Variants in PRKCE observed in about 807,000 individuals in gnomAD.
PRKCE encodes the protein protein kinase C epsilon.
In PRKCE, 16 loss-of-function variants were observed where a neutral mutation model predicts 85.4. The observed-to-expected ratio is 0.19, with a 90% CI of 0.13 to 0.28. The LOEUF (loss-of-function observed/expected upper bound fraction) is 0.28, where lower values mean the gene tolerates loss of function less well. Among genes scored for constraint, PRKCE ranks in the 10% least tolerant of loss-of-function variants. PRKCE has a pLI of 1.00. For synonymous variants in PRKCE, 388 were observed against 371.5 expected, an observed-to-expected ratio of 1.04 and a Z score of -0.51; for missense variants, 573 against 975.2, an observed-to-expected ratio of 0.59 and a Z score of 5.49.
chr2:46,062,495 GAC>G (rs1390777144), intron 10 of PRKCE, among the ~76,000 whole-genome samples: 2 of 152,056 alleles, frequency 1.3e-5, no homozygotes, highest in Admixed American at 1.3e-4. Context: ...ATTAGGACTA[GAC>G]ACAAACTATG....
In PRKCE at chr2:45,843,042, C is replaced by T. The variant is rs1488520108; in HGVS notation, c.391C>T (p.Leu131Phe). 1 of 1,614,062 alleles carries T rather than the reference C, an allele frequency of 6.2e-7. No individual in the cohort carries two copies. The highest frequency in any genetic ancestry group is 1.3e-5 in the African/African-American group (1 of 74,934). The change falls in exon 2 of 15, where the codon CTC (leucine) becomes TTC (phenylalanine). Residue 131 changes from leucine (L) to phenylalanine (F), a missense_variant. Around this residue, in one of 11 missense-constraint regions of PRKCE, gnomAD observed 100 missense variants for 177.1 expected, o/e 0.56. Transcript: ENST00000306156. Reference protein sequence around the residue: ...PEGRVYVIIDLSGSSGEAPKD... With the variant: ...PEGRVYVIIDFSGSSGEAPKD... ...AGGAAGAGTGTATGTGATCATCGAT[C>T]TCTCAGGGTCGTCGGGTGAAGGTAG...
intron 10 of PRKCE, among the ~76,000 whole-genome samples, chr2:46,061,661 C>G (rs79013938): frequency 0.051 from 7,777 of 152,054 alleles, 566 homozygotes; most frequent in African/African-American, 0.16. Context: ...AACCCCCAAG[C>G]CACCTCCTTG....
At chr2:45,864,737 T>C (rs1192948025) in intron 2 of PRKCE, among the ~76,000 whole-genome samples, 1 of 152,238 alleles carries the variant, frequency 6.6e-6, no homozygotes, top group Non-Finnish European at 1.5e-5. Flanking sequence ...TATAATTGTT[T>C]GCGTGGGAGC....
At chr2:45,847,674 C>A (rs1264531755) in intron 2 of PRKCE, among the ~76,000 whole-genome samples, 1 of 152,220 alleles carries the variant, frequency 6.6e-6, no homozygotes, top group Non-Finnish European at 1.5e-5. Flanking sequence ...CAATCCAGGT[C>A]CTGCTTCCAT....
intron 1 of PRKCE, among the ~76,000 whole-genome samples, chr2:45,679,747 G>A (rs1340494302): frequency 3.3e-5 from 5 of 152,044 alleles, no homozygotes; most frequent in Non-Finnish European, 5.9e-5. Flanking sequence ...GTGTATGTGG[G>A]GCCCTGCTGT....
chr2:46,074,441 A>AG (rs1391514663), intron 10 of PRKCE, among the ~76,000 whole-genome samples: 2 of 151,456 alleles, frequency 1.3e-5, no homozygotes, highest in East Asian at 1.9e-4. Flanking sequence ...AAAAAAAAAA[A>AG]AAAAAAAGAA....
At chr2:45,956,979 T>A (rs1701017102) in intron 2 of PRKCE, among the ~76,000 whole-genome samples, 1 of 152,234 alleles carries the variant, frequency 6.6e-6, no homozygotes, top group South Asian at 2.1e-4. Flanking sequence ...GCTCATTTTT[T>A]ATTTGACTGT....
chr2:46,035,514 AG>A (rs1188294281), intron 10 of PRKCE, among the ~76,000 whole-genome samples: 1 of 152,192 alleles, frequency 6.6e-6, no homozygotes, highest in Non-Finnish European at 1.5e-5. Context: ...TCTTTAGTCC[AG>A]GGGGTGCCCT....
In PRKCE at chr2:45,969,684, A is replaced by G. The variant is rs755368415; in HGVS notation, c.413-6745A>G. 3.3e-5 allele frequency among the ~76,000 whole-genome samples: 5 copies of G among 152,282 alleles called. No homozygotes were observed. The South Asian group carries it at 8.3e-4, about 25-fold the overall frequency. ...GCATGAGGGAGCACCTCATTACCTA[A>G]TACTTTTTAGGCAAGTGAAAGCTTT... On this transcript the variant is annotated intron_variant, in intron 2 of 14. Transcript: ENST00000306156.
chr2:45,658,166 A>G (rs1192151969), intron 1 of PRKCE, among the ~76,000 whole-genome samples: 2 of 152,122 alleles, frequency 1.3e-5, no homozygotes, highest in African/African-American at 2.4e-5. Context: ...GTGTGCGCCT[A>G]TACCCTGAAT....
chr2:45,857,199 C>A (rs1013026992), intron 2 of PRKCE, among the ~76,000 whole-genome samples: 1 of 152,190 alleles, frequency 6.6e-6, no homozygotes, highest in Non-Finnish European at 1.5e-5. Context: ...CCCTAAGTTG[C>A]ACGTGATGCT....
rs188966342 is a variant in PRKCE at position 46,007,975 on chromosome 2, C to A, written c.1263+314C>A. Reference sequence around the variant, plus strand: ...TGGAAAGTTTTAAATGCTCAGTGTTCCAAATCAATAGTAGTGTCAATACAT... The same window carrying A: ...TGGAAAGTTTTAAATGCTCAGTGTTACAAATCAATAGTAGTGTCAATACAT... On this transcript the variant is annotated intron_variant, in intron 9 of 14. Transcript: ENST00000306156. 1.3e-4 allele frequency among the ~76,000 whole-genome samples: 20 copies of A among 152,244 alleles called. No homozygotes were observed. In the East Asian group the frequency reaches 3.9e-3, roughly 29 times the overall value.
intron 10 of PRKCE, among the ~76,000 whole-genome samples, chr2:46,037,131 C>T (rs372707962): frequency 4.6e-5 from 7 of 152,312 alleles, no homozygotes; most frequent in African/African-American, 1.7e-4. Context: ...TATCACTCTG[C>T]CAGGGCCCCC....
intron 11 of PRKCE, among the ~76,000 whole-genome samples, chr2:46,115,079 T>G (rs1457989739): frequency 6.6e-6 from 1 of 152,188 alleles, no homozygotes; most frequent in Non-Finnish European, 1.5e-5. Context: ...GCTATAGAAT[T>G]GTTCCATCTG....
chr2:45,800,841 C>T (rs1687806802), intron 1 of PRKCE, among the ~76,000 whole-genome samples: 1 of 152,216 alleles, frequency 6.6e-6, no homozygotes, highest in Non-Finnish European at 1.5e-5. Flanking sequence ...TAGGCACTGA[C>T]ATACATGTAT....
At chr2:46,099,500 ATT>A (rs56086039) in intron 11 of PRKCE, among the ~76,000 whole-genome samples, 39,377 of 146,546 alleles carry the variant, frequency 0.27, 5,329 homozygotes, top group East Asian at 0.42. Flanking sequence ...AAGGTATGGT[ATT>A]TTTTTTTTTT....
intron 1 of PRKCE, among the ~76,000 whole-genome samples, chr2:45,799,672 C>T (rs1254144013): frequency 6.6e-6 from 1 of 152,208 alleles, no homozygotes; most frequent in East Asian, 1.9e-4. Flanking sequence ...ATAATTAGTG[C>T]ATACTCAAAA....
intron 1 of PRKCE, among the ~76,000 whole-genome samples, chr2:45,795,569 C>T (rs1687374333): frequency 6.6e-6 from 1 of 152,176 alleles, no homozygotes; most frequent in South Asian, 2.1e-4. Context: ...CTCAGCCTTC[C>T]AAAATGCTGG....
intron 10 of PRKCE, among the ~76,000 whole-genome samples, chr2:46,070,335 T>C (rs964021724): frequency 6.6e-6 from 1 of 152,230 alleles, no homozygotes; most frequent in African/African-American, 2.4e-5. Context: ...ACCTTCATTT[T>C]TGATGTATAA....
Sources: gnomAD v4.1 joint callset for allele counts (sites outside exome capture counted in the v4.1 genomes callset) on GRCh38, gnomAD v4.1.1 for gene constraint, gnomAD v4.1.1 regional missense constraint, MANE v1.5 for transcripts, NCBI Gene and HGNC (gene_info 2026-07-23, HGNC 2026-07-21) for gene names.